The following CDK14 variants were observed in gnomAD, a reference collection of about 807,000 sequenced individuals.
The protein encoded by CDK14 is cyclin dependent kinase 14.
In CDK14, 34 loss-of-function variants were observed where a neutral mutation model predicts 60.7. That is an observed-to-expected ratio of 0.56 (90% CI 0.43 to 0.75). The LOEUF (loss-of-function observed/expected upper bound fraction) is 0.75. Ranked by LOEUF, CDK14 falls within the 30% of genes least tolerant of loss-of-function variation. The pLI is 0.00. For missense variants in CDK14, 482 were observed against 564.1 expected (o/e 0.85, Z 1.47); for synonymous variants, 197 against 203.7 (o/e 0.97, Z 0.28).
At chr7:90,729,350 T>TG (rs1802765368) in intron 3 of CDK14, among the ~76,000 whole-genome samples, 2 of 120,358 alleles carry the variant, frequency 1.7e-5, no homozygotes, top group Non-Finnish European at 3.4e-5. Flanking sequence ...CAAGGTTTTT[T>TG]TTTTTTTTTT....
intron 9 of CDK14, among the ~76,000 whole-genome samples, chr7:90,980,926 A>C (rs973613807): frequency 1.3e-5 from 2 of 152,240 alleles, no homozygotes; most frequent in African/African-American, 2.4e-5. Context: ...AATAAATTCT[A>C]TAAGTAGTTC....
intron 11 of CDK14, among the ~76,000 whole-genome samples, chr7:91,071,953 C>T (rs547974530): frequency 8.0e-4 from 122 of 152,282 alleles, no homozygotes; most frequent in Non-Finnish European, 1.3e-3. Flanking sequence ...CTCATGGGGA[C>T]GGGGCATCCC....
At chr7:90,741,986 GAAAT>G (rs1471251591) in intron 3 of CDK14, among the ~76,000 whole-genome samples, 2 of 152,016 alleles carry the variant, frequency 1.3e-5, no homozygotes. Context: ...TTGAATTCAT[GAAAT>G]AAATCTCATT....
At chr7:90,804,834 C>T (rs1463349965) in intron 5 of CDK14, among the ~76,000 whole-genome samples, 1 of 152,016 alleles carries the variant, frequency 6.6e-6, no homozygotes, top group Non-Finnish European at 1.5e-5. Context: ...ATATTTAAGA[C>T]ATTTTTAGGA....
chr7:91,150,943 C>A (rs1800812285), intron 14 of CDK14, among the ~76,000 whole-genome samples: 1 of 151,988 alleles, frequency 6.6e-6, no homozygotes, highest in Non-Finnish European at 1.5e-5. Flanking sequence ...ATACAAGATT[C>A]CTATTTCTTA....
At chr7:90,661,512 G>A (rs540031802) in intron 2 of CDK14, among the ~76,000 whole-genome samples, 1 of 152,312 alleles carries the variant, frequency 6.6e-6, no homozygotes, top group East Asian at 1.9e-4. Flanking sequence ...GGCAGTGACT[G>A]GGTATGGTCT....
At chr7:90,633,974 C>T (rs537080650) in intron 2 of CDK14, among the ~76,000 whole-genome samples, 26 of 152,076 alleles carry the variant, frequency 1.7e-4, no homozygotes, top group East Asian at 9.7e-4. Context: ...TAATTGAATA[C>T]GTGTCTTTTT....
At chr7:91,194,816 G>A (rs1031257056) in intron 14 of CDK14, among the ~76,000 whole-genome samples, 1 of 152,172 alleles carries the variant, frequency 6.6e-6, no homozygotes, top group African/African-American at 2.4e-5. Flanking sequence ...GGAGATTCTG[G>A]TTTGGGGTAA....
At chr7:90,736,972 C>T (rs1016132097) in intron 3 of CDK14, among the ~76,000 whole-genome samples, 1 of 152,050 alleles carries the variant, frequency 6.6e-6, no homozygotes, top group African/African-American at 2.4e-5. Context: ...AAAATTCACG[C>T]AAAATATAAA....
intron 4 of CDK14, among the ~76,000 whole-genome samples, chr7:90,748,656 C>T (rs564241049): frequency 1.3e-5 from 2 of 152,154 alleles, no homozygotes; most frequent in African/African-American, 4.8e-5. Context: ...GATAACGGCT[C>T]ATTGCAGCCT....
At chr7:90,697,106 C>T (rs941740282) in intron 2 of CDK14, among the ~76,000 whole-genome samples, 1 of 152,114 alleles carries the variant, frequency 6.6e-6, no homozygotes, top group Non-Finnish European at 1.5e-5. Flanking sequence ...TTGGGATCAA[C>T]TCCTCTTTTT....
At chr7:90,760,464 A>C (rs570354839) in intron 4 of CDK14, among the ~76,000 whole-genome samples, 1 of 152,198 alleles carries the variant, frequency 6.6e-6, no homozygotes, top group African/African-American at 2.4e-5. Flanking sequence ...TGTGGACTTC[A>C]GAGTCCTGAG....
intron 5 of CDK14, among the ~76,000 whole-genome samples, chr7:90,860,585 G>T (rs896573669): frequency 1.3e-5 from 2 of 149,336 alleles, no homozygotes; most frequent in Non-Finnish European, 3.0e-5. Context: ...GACTGCAGTG[G>T]TGTGATCTCA....
At position 91,207,548 on chromosome 7, in the gene CDK14, C is replaced by T. The variant is rs967586361; in HGVS notation, c.*412C>T. The T allele has an allele frequency of 6.6e-6, 1 of 152,644 alleles. No individual in the cohort carries two copies. Among genetic ancestry groups the T allele is most frequent in the Non-Finnish European group, 1.5e-5 (1 of 68,044 alleles). 9.5% of individuals were successfully genotyped at this position (152,644 alleles called of 1,614,324 possible). On this transcript the variant is annotated 3_prime_UTR_variant, in exon 15 of 15. Transcript: ENST00000380050. Reference sequence around the variant, plus strand: ...GGTGTTCACACTTCTTCAGTAATGTCTGAACTTGAAAGCCACAGAGTGGCA... The same window carrying T: ...GGTGTTCACACTTCTTCAGTAATGTTTGAACTTGAAAGCCACAGAGTGGCA...
chr7:90,911,681 C>T (rs184062725), intron 7 of CDK14, among the ~76,000 whole-genome samples: 1 of 152,226 alleles, frequency 6.6e-6, no homozygotes. Context: ...CTGACCTCAC[C>T]TATTTAGACT....
intron 10 of CDK14, among the ~76,000 whole-genome samples, chr7:90,996,539 T>G (rs1252034449): frequency 1.3e-5 from 2 of 152,254 alleles, no homozygotes; most frequent in Admixed American, 1.3e-4. Flanking sequence ...GCATTTCCCT[T>G]AGAGAACAGT....
chr7:90,807,505 A>T (rs1035345095), intron 5 of CDK14, among the ~76,000 whole-genome samples: 30 of 152,176 alleles, frequency 2.0e-4, no homozygotes, highest in African/African-American at 6.5e-4. Flanking sequence ...ATAAAACCAC[A>T]AAGATGGGGA....
intron 5 of CDK14, among the ~76,000 whole-genome samples, chr7:90,802,044 C>T (rs192084124): frequency 3.3e-5 from 5 of 152,274 alleles, no homozygotes; most frequent in Admixed American, 6.5e-5. Flanking sequence ...GCTCCTGGGA[C>T]ATAACCTCCT....
intron 2 of CDK14, among the ~76,000 whole-genome samples, chr7:90,681,613 A>C (rs1801319068): frequency 6.6e-6 from 1 of 152,202 alleles, no homozygotes; most frequent in African/African-American, 2.4e-5. Flanking sequence ...GATAAAATAT[A>C]AGTGCATAAA....
Sources: gnomAD v4.1 joint callset for allele counts (sites outside exome capture counted in the v4.1 genomes callset) on GRCh38, gnomAD v4.1.1 for gene constraint, MANE v1.5 for transcripts, NCBI Gene and HGNC (gene_info 2026-07-23, HGNC 2026-07-21) for gene names.